Variants in PPARGC1A observed in about 807,000 individuals in gnomAD.
PPARGC1A encodes the protein peroxisome proliferator-activated receptor gamma coactivator 1-alpha.
A neutral mutation model predicts 88.7 loss-of-function variants in PPARGC1A; 25 were observed. The ratio of observed to expected loss-of-function variants is 0.28; its 90% confidence interval spans 0.21 to 0.39. The LOEUF (loss-of-function observed/expected upper bound fraction) is 0.39. PPARGC1A is among the 10% of genes least tolerant of loss of function. The pLI, the probability that PPARGC1A is intolerant of heterozygous loss-of-function variation, is 1.00. For synonymous variants in PPARGC1A, 363 were observed against 355.6 expected, an observed-to-expected ratio of 1.02 and a Z score of -0.24; for missense variants, 880 against 968.7, an observed-to-expected ratio of 0.91 and a Z score of 1.22.
chr4:23,802,603 G>A lies in PPARGC1A; in HGVS notation c.2020-258C>T, dbSNP rs150724283. Among the ~76,000 whole-genome samples the A allele has an allele frequency of 7.7e-3, 1,159 of 150,814 alleles. 12 individuals carry two copies. Among genetic ancestry groups the A allele is most frequent in the African/African-American group, 0.024 (1,000 of 40,950 alleles). On this transcript the variant is annotated intron_variant, in intron 10 of 12. Coordinates refer to ENST00000264867, the MANE Select transcript of PPARGC1A (RefSeq NM_013261.5). ...TGACGCAGAGAATTGCTTGAACCCG[G>A]GAGGCAGAGGTTGCAGTGAGCTGAG... is the stretch of plus-strand genomic sequence containing the variant.
the PPARGC1A span, among the ~76,000 whole-genome samples, chr4:24,059,208 T>A: frequency 6.6e-6 from 1 of 152,030 alleles, no homozygotes; most frequent in Non-Finnish European, 1.5e-5. Context: ...AAAAGCAAAA[T>A]GTAAAAGTGT....
Position 23,795,001 on chromosome 4 carries a change from C to T in PPARGC1A, c.*821G>A, listed in dbSNP as rs991462348. 1.3e-5 allele frequency: 2 copies of T among 150,394 alleles called. No individual in the cohort carries two copies. The highest frequency in any genetic ancestry group is 2.1e-4 in the South Asian group (1 of 4,678). 9.3% of individuals were successfully genotyped at this position (150,394 alleles called of 1,614,324 possible). ...TAGGAAACTTTAGCATTCTGGTGCC[C>T]GCAGTATCCTCTCCCACCCAGATTC... On this transcript the variant is annotated 3_prime_UTR_variant, in exon 13 of 13. Transcript: ENST00000264867.
the PPARGC1A span, among the ~76,000 whole-genome samples, chr4:24,291,755 C>T: frequency 6.6e-6 from 1 of 152,092 alleles, no homozygotes; most frequent in East Asian, 1.9e-4. Context: ...AAAATGAAGA[C>T]TAAATTAATT....
upstream of PPARGC1A, among the ~76,000 whole-genome samples, chr4:23,902,541 C>T (rs1719534494): frequency 6.6e-6 from 1 of 152,156 alleles, no homozygotes; most frequent in African/African-American, 2.4e-5. Flanking sequence ...CAGCACCCTC[C>T]ACATCTGTTG....
chr4:24,330,919 C>T, the PPARGC1A span, among the ~76,000 whole-genome samples: 1 of 152,078 alleles, frequency 6.6e-6, no homozygotes, highest in Non-Finnish European at 1.5e-5. Flanking sequence ...GTCCCCTTCT[C>T]TTTCCTTCTG....
At position 23,814,562 on chromosome 4, in the gene PPARGC1A, A is replaced by G; in HGVS notation, c.921T>C (p.Asp307=). 1 of 1,607,284 alleles carries G rather than the reference A, an allele frequency of 6.2e-7. No homozygotes were observed. Among genetic ancestry groups the G allele is most frequent in the Non-Finnish European group, 8.5e-7 (1 of 1,177,934 alleles). ...PTTPPHKANQ[D]NPFRASPKLK... is the part of the protein sequence containing the mutation. ...GCTTTGGAGAAGCCCTAAAAGGGTT[A>G]TCTTGGTTGGCTTTATGAGGAGGAG... The change falls in exon 8 of 13, where the codon GAT becomes GAC. Residue 307 remains aspartate (D), a synonymous_variant. Coordinates refer to ENST00000264867, the MANE Select transcript of PPARGC1A (RefSeq NM_013261.5).
the PPARGC1A span, among the ~76,000 whole-genome samples, chr4:24,049,302 A>ATATG: frequency 6.5e-5 from 3 of 46,020 alleles, no homozygotes; most frequent in African/African-American, 1.4e-4. Context: ...GTATATATAT[A>ATATG]TGTGTGTATA....
chr4:24,226,772 A>T, the PPARGC1A span, among the ~76,000 whole-genome samples: 1 of 152,222 alleles, frequency 6.6e-6, no homozygotes, highest in Non-Finnish European at 1.5e-5. Flanking sequence ...GTTGCCTTCC[A>T]GAAGGCAGGA....
At chr4:24,267,875 CA>C in the PPARGC1A span, among the ~76,000 whole-genome samples, 1 of 152,082 alleles carries the variant, frequency 6.6e-6, no homozygotes, top group Non-Finnish European at 1.5e-5. Flanking sequence ...TCCATAAGGG[CA>C]CCATCTGTAT....
the PPARGC1A span, among the ~76,000 whole-genome samples, chr4:24,037,616 T>G: frequency 6.6e-6 from 1 of 152,332 alleles, no homozygotes; most frequent in East Asian, 1.9e-4. Context: ...CATCCCTTGT[T>G]GAATGTTTGC....
the PPARGC1A span, among the ~76,000 whole-genome samples, chr4:23,993,590 GC>G: frequency 2.0e-5 from 3 of 152,110 alleles, no homozygotes; most frequent in Non-Finnish European, 2.9e-5. Context: ...ATTATCATCA[GC>G]CCCATTTTGC....
the PPARGC1A span, among the ~76,000 whole-genome samples, chr4:24,392,459 G>A: frequency 6.6e-6 from 1 of 152,152 alleles, no homozygotes; most frequent in African/African-American, 2.4e-5. Flanking sequence ...ACTGTGAAAT[G>A]AGCAGAGCTA....
chr4:24,163,805 C>T, the PPARGC1A span, among the ~76,000 whole-genome samples: 12 of 152,198 alleles, frequency 7.9e-5, no homozygotes, highest in African/African-American at 1.9e-4. Context: ...AGATCTGCAT[C>T]GCTCTCATTA....
At chr4:23,932,390 C>T in the PPARGC1A span, among the ~76,000 whole-genome samples, 12 of 152,262 alleles carry the variant, frequency 7.9e-5, no homozygotes, top group South Asian at 2.1e-4. Context: ...GAAGTGCAGA[C>T]GTCTCCAGTG....
At chr4:23,805,478 G>A (rs1339006414) in intron 10 of PPARGC1A, among the ~76,000 whole-genome samples, 1 of 152,126 alleles carries the variant, frequency 6.6e-6, no homozygotes, top group African/African-American at 2.4e-5. Context: ...GCTGCCTGAC[G>A]CCCTTCCATG....
the PPARGC1A span, among the ~76,000 whole-genome samples, chr4:24,218,474 G>A: frequency 1.2e-4 from 18 of 152,202 alleles, no homozygotes; most frequent in Admixed American, 3.9e-4. Context: ...GAGGAAAGAC[G>A]GAGGTAGCTG....
chr4:23,873,753 G>T (rs1714081231), intron 2 of PPARGC1A, among the ~76,000 whole-genome samples: 1 of 151,588 alleles, frequency 6.6e-6, no homozygotes, highest in African/African-American at 2.4e-5. Flanking sequence ...TATAGTTAGA[G>T]AATTTCATGA....
the PPARGC1A span, among the ~76,000 whole-genome samples, chr4:24,248,793 G>C: frequency 4.4e-4 from 67 of 152,300 alleles, 1 homozygote; most frequent in African/African-American, 1.6e-3. Context: ...GAGGAAGTCA[G>C]GCACAGCAGT....
the PPARGC1A span, among the ~76,000 whole-genome samples, chr4:23,990,220 G>T: frequency 1.3e-5 from 2 of 149,412 alleles, no homozygotes; most frequent in South Asian, 4.2e-4. Context: ...TTATATATAT[G>T]ATAATGGATA....
Sources: gnomAD v4.1 joint callset for allele counts (sites outside exome capture counted in the v4.1 genomes callset) on GRCh38, gnomAD v4.1.1 for gene constraint, MANE v1.5 for transcripts, NCBI Gene and HGNC (gene_info 2026-07-23, HGNC 2026-07-21) for gene names.